The following SNRNP40 variants were observed in gnomAD, a reference collection of about 807,000 sequenced individuals.
The protein encoded by SNRNP40 is small nuclear ribonucleoprotein U5 subunit 40, also known as U5 small nuclear ribonucleoprotein 40 kDa protein.
A neutral mutation model predicts 45.8 loss-of-function variants in SNRNP40; 21 were observed. That is an observed-to-expected ratio of 0.46 (90% CI 0.32 to 0.66). SNRNP40 has a LOEUF of 0.66. Among genes scored for constraint, SNRNP40 ranks in the 30% least tolerant of loss-of-function variants. The pLI is 0.03. For synonymous variants in SNRNP40, 142 were observed against 163.8 expected, an observed-to-expected ratio of 0.87 and a Z score of 1.01; for missense variants, 344 against 439.1, an observed-to-expected ratio of 0.78 and a Z score of 1.94.
chr1:31,269,267 C>T, intron 6 of SNRNP40, 27 bp from the exon 7 acceptor site: 4 of 1,612,082 alleles, frequency 2.5e-6, no homozygotes, highest in Non-Finnish European at 3.4e-6. Flanking sequence ...AATAAACAAA[C>T]CAACCAAAAC....
Position 31,282,483 on chromosome 1 carries a change from G to GTATCTATCTATC in SNRNP40, c.532-999_532-988dup, listed in dbSNP as rs1553166886. ...TATTCCTGGCTATCTATCTATCTAT[G>GTATCTATCTATC]TATCTATCTATCTATCTATCTATCT... On this transcript the variant is annotated intron_variant, in intron 4 of 9. Coordinates refer to ENST00000263694, the MANE Select transcript of SNRNP40 (RefSeq NM_004814.3). The GTATCTATCTATC allele has an allele frequency of 5.0e-4, 35 of 70,016 alleles. 1 individual carries two copies. The highest frequency in any genetic ancestry group is 1.7e-3 in the African/African-American group (25 of 14,318). The allele number at this position is 70,016 out of a possible 1,614,324, so 4.3% of individuals were successfully genotyped here. A position where few individuals can be genotyped will look rare whatever the true frequency, so the allele number is the denominator to read the frequency against.
chr1:31,278,963 T>C (rs770937058), intron 5 of SNRNP40, among the ~76,000 whole-genome samples: 5 of 152,082 alleles, frequency 3.3e-5, no homozygotes, highest in Non-Finnish European at 7.4e-5. Context: ...ATAGGACAGT[T>C]TGTTGTCACA....
rs151126813 is a variant in SNRNP40 at position 31,294,285 on chromosome 1, A to G, written c.142-937T>C. ...TTTTTATTTCTTATTTTTTCATAGC[A>G]AACGGATCCTCAGCATGGGTGAAGT... On this transcript the variant is annotated intron_variant, in intron 1 of 9. Coordinates refer to ENST00000263694, the MANE Select transcript of SNRNP40 (RefSeq NM_004814.3). 1.8e-3 allele frequency among the ~76,000 whole-genome samples: 271 copies of G among 152,074 alleles called. 1 individual carries two copies. The highest frequency in any genetic ancestry group is 6.2e-3 in the African/African-American group (257 of 41,482).
At chr1:31,271,643 CT>C (rs1645939211) in intron 5 of SNRNP40, 144 bp from the exon 6 acceptor site, 7 of 787,386 alleles carry the variant, frequency 8.9e-6, no homozygotes, top group African/African-American at 2.1e-5. Flanking sequence ...AGAAAAACAC[CT>C]TTTTTTAATT....
intron 7 of SNRNP40, among the ~76,000 whole-genome samples, chr1:31,268,181 C>T (rs1369122132): frequency 2.6e-5 from 4 of 152,006 alleles, no homozygotes; most frequent in Non-Finnish European, 4.4e-5. Flanking sequence ...TTTTGTTCTA[C>T]TTATAAATGG....
At chr1:31,281,225 G>C (rs1424864654) in intron 5 of SNRNP40, 149 bp downstream of exon 5, 5 of 579,432 alleles carry the variant, frequency 8.6e-6, no homozygotes, top group Non-Finnish European at 1.5e-5. Flanking sequence ...AGTCAATGAA[G>C]ACAGGAGAAA....
chr1:31,271,001 G>C (rs1645934022), intron 6 of SNRNP40, among the ~76,000 whole-genome samples: 1 of 152,200 alleles, frequency 6.6e-6, no homozygotes, highest in South Asian at 2.1e-4. Context: ...GAGCAGAAGA[G>C]ATCATCCAAG....
intron 8 of SNRNP40, chr1:31,263,546 T>G: frequency 2.3e-6 from 1 of 432,618 alleles, no homozygotes; most frequent in Non-Finnish European, 4.5e-6. Flanking sequence ...TCTGAGCCAA[T>G]GATGACTTTA....
At chr1:31,285,898 G>A (rs550846465) in intron 4 of SNRNP40, among the ~76,000 whole-genome samples, 30 of 152,238 alleles carry the variant, frequency 2.0e-4, no homozygotes, top group African/African-American at 7.0e-4. Context: ...CATCTTTGTT[G>A]TATCCTAGCA....
chr1:31,270,907 C>T (rs1174314301), intron 6 of SNRNP40, among the ~76,000 whole-genome samples: 1 of 152,084 alleles, frequency 6.6e-6, no homozygotes, highest in Non-Finnish European at 1.5e-5. Flanking sequence ...AGAGTGTGTT[C>T]GTGTAAATCC....
intron 4 of SNRNP40, among the ~76,000 whole-genome samples, chr1:31,288,561 G>C (rs1219930354): frequency 6.6e-6 from 1 of 152,142 alleles, no homozygotes; most frequent in Admixed American, 6.5e-5. Context: ...ATGATATAAA[G>C]ATAGGCTGGC....
At chr1:31,270,606 A>G (rs1645930533) in intron 6 of SNRNP40, among the ~76,000 whole-genome samples, 1 of 152,242 alleles carries the variant, frequency 6.6e-6, no homozygotes, top group Non-Finnish European at 1.5e-5. Flanking sequence ...ACAGGCATAA[A>G]AAGGCAAAGC....
At chr1:31,274,895 CTTAT>C (rs1446372252) in intron 5 of SNRNP40, among the ~76,000 whole-genome samples, 4 of 152,096 alleles carry the variant, frequency 2.6e-5, no homozygotes, top group Admixed American at 2.6e-4. Context: ...GTTCCCACTC[CTTAT>C]TTGTTTCTCT....
At chr1:31,281,037 A>T (rs7555364) in intron 5 of SNRNP40, among the ~76,000 whole-genome samples, 1 of 152,132 alleles carries the variant, frequency 6.6e-6, no homozygotes, top group Non-Finnish European at 1.5e-5. Context: ...ACAGAATCAC[A>T]AACTGATTCA....
chr1:31,269,106 T>C lies in SNRNP40; in HGVS notation c.858+52A>G, dbSNP rs1011388576. 10 of 1,491,054 alleles carry C rather than the reference T, an allele frequency of 6.7e-6. No individual in the cohort carries two copies. The African/African-American group carries it at 1.1e-4, about 17-fold the overall frequency. The allele number at this position is 1,491,054 out of a possible 1,614,324, so 92.4% of individuals were successfully genotyped here. Reference sequence around the variant, plus strand: ...TCTCTATCCTTAGTACCACCTTAAATGTTTCTCTGAAGTAAATGAACAGTA... The same window carrying C: ...TCTCTATCCTTAGTACCACCTTAAACGTTTCTCTGAAGTAAATGAACAGTA... On this transcript the variant is annotated intron_variant, in intron 7 of 9. Coordinates refer to ENST00000263694, the MANE Select transcript of SNRNP40 (RefSeq NM_004814.3).
intron 2 of SNRNP40, 194 bp downstream of exon 2, chr1:31,293,025 T>C: frequency 3.4e-6 from 2 of 586,182 alleles, no homozygotes; most frequent in Non-Finnish European, 6.0e-6. Flanking sequence ...TAATGGCTTC[T>C]GTATTTACCC....
chr1:31,286,273 C>T (rs1646058709), intron 4 of SNRNP40, among the ~76,000 whole-genome samples: 1 of 152,114 alleles, frequency 6.6e-6, no homozygotes, highest in East Asian at 1.9e-4. Context: ...TTTTAGTCTT[C>T]TCTTTTGTAC....
intron 8 of SNRNP40, among the ~76,000 whole-genome samples, chr1:31,264,951 G>A (rs1241913326): frequency 1.3e-5 from 2 of 152,084 alleles, no homozygotes; most frequent in African/African-American, 2.4e-5. Context: ...AATTTAGAGG[G>A]GTTCCTTGCC....
intron 1 of SNRNP40, among the ~76,000 whole-genome samples, chr1:31,293,650 T>C (rs924905002): frequency 1.3e-5 from 2 of 152,294 alleles, no homozygotes; most frequent in Non-Finnish European, 2.9e-5. Context: ...AGTGTGATCA[T>C]GGTTCACTGC....
Sources: allele counts gnomAD v4.1 joint callset (sites outside exome capture counted in the v4.1 genomes callset), GRCh38; gene constraint gnomAD v4.1.1; transcripts MANE v1.5; gene names NCBI Gene and HGNC (gene_info 2026-07-23, HGNC 2026-07-21).